The following CFAP58 variants were observed in gnomAD, a reference collection of about 807,000 sequenced individuals.
CFAP58 encodes cilia- and flagella-associated protein 58.
A neutral mutation model predicts 119.5 loss-of-function variants in CFAP58; 88 were observed. The observed-to-expected ratio is 0.74, with a 90% CI of 0.62 to 0.88. CFAP58 has a LOEUF of 0.88. Among genes scored for constraint, CFAP58 ranks in the 40% least tolerant of loss-of-function variants. CFAP58 has a pLI of 0.00. For missense variants in CFAP58, 990 were observed against 1,021.2 expected (o/e 0.97, Z 0.42); for synonymous variants, 365 against 366.3 (o/e 1.00, Z 0.04).
Position 104,362,007 on chromosome 10 carries a change from C to G in CFAP58, c.292-16C>G, listed in dbSNP as rs777741258. 1 of 1,611,786 alleles carries G rather than the reference C, an allele frequency of 6.2e-7. No individual in the cohort carries two copies. The highest frequency in any genetic ancestry group is 1.1e-5 in the South Asian group (1 of 90,762). On this transcript the variant is annotated splice_polypyrimidine_tract_variant and intron_variant, in intron 2 of 17. Coordinates refer to ENST00000369704, the MANE Select transcript of CFAP58 (RefSeq NM_001008723.2). The stretch of plus-strand genomic sequence containing the variant: ...CCAGTTTGGTCTTTCTCACTGATAT[C>G]CTATGGCCCATCTAGGAAATTGAAA...
At chr10:104,440,627 A>G (rs192780255) in intron 15 of CFAP58, among the ~76,000 whole-genome samples, 5 of 152,352 alleles carry the variant, frequency 3.3e-5, no homozygotes, top group African/African-American at 1.2e-4. Flanking sequence ...ATCAATAACT[A>G]TCAAATTCCC....
intron 15 of CFAP58, among the ~76,000 whole-genome samples, chr10:104,442,959 G>C (rs552807350): frequency 1.3e-5 from 2 of 152,298 alleles, no homozygotes; most frequent in East Asian, 3.9e-4. Context: ...ATCTGTACCT[G>C]TATTGATGTA....
intron 11 of CFAP58, among the ~76,000 whole-genome samples, chr10:104,395,797 A>C (rs191724846): frequency 1.3e-5 from 2 of 152,348 alleles, no homozygotes; most frequent in African/African-American, 4.8e-5. Context: ...CTACGCGGGT[A>C]CATAATCCCT....
At chr10:104,447,426 G>A (rs760506065) in intron 15 of CFAP58, among the ~76,000 whole-genome samples, 1 of 152,094 alleles carries the variant, frequency 6.6e-6, no homozygotes, top group Non-Finnish European at 1.5e-5. Flanking sequence ...TCCTGCCCTT[G>A]TCTCCCAGTC....
chr10:104,355,952 G>A (rs548968017), intron 1 of CFAP58, among the ~76,000 whole-genome samples: 25 of 152,284 alleles, frequency 1.6e-4, no homozygotes, highest in African/African-American at 6.0e-4. Context: ...AAGTGTTGAC[G>A]TTAATACCAT....
At chr10:104,421,066 T>G (rs2012650139) in intron 15 of CFAP58, among the ~76,000 whole-genome samples, 1 of 152,126 alleles carries the variant, frequency 6.6e-6, no homozygotes, top group Non-Finnish European at 1.5e-5. Context: ...TCCCTTCCAT[T>G]TTCATCTCAA....
chr10:104,453,965 T>C (rs2013236446), intron 17 of CFAP58, among the ~76,000 whole-genome samples: 1 of 152,188 alleles, frequency 6.6e-6, no homozygotes. Context: ...GTTTTATAAA[T>C]GTCCAAGTTT....
chr10:104,370,762 T>C, intron 6 of CFAP58, 133 bp from the exon 7 acceptor site: 1 of 727,008 alleles, frequency 1.4e-6, no homozygotes, highest in Non-Finnish European at 2.1e-6. Flanking sequence ...TGTGTGTGCT[T>C]GATTTAATCT....
intron 15 of CFAP58, among the ~76,000 whole-genome samples, chr10:104,423,533 C>T (rs774935694): frequency 7.1e-5 from 10 of 141,070 alleles, no homozygotes; most frequent in Non-Finnish European, 1.1e-4. Context: ...GAGAGTGGTG[C>T]TTAAACAGGA....
chr10:104,378,788 G>A (rs776586666), intron 8 of CFAP58, among the ~76,000 whole-genome samples: 2 of 152,086 alleles, frequency 1.3e-5, no homozygotes, highest in Admixed American at 6.6e-5. Flanking sequence ...TGCAGTTAAA[G>A]AGGTGAACAC....
intron 7 of CFAP58, among the ~76,000 whole-genome samples, chr10:104,371,602 A>G (rs1353997489): frequency 6.6e-6 from 1 of 152,196 alleles, no homozygotes; most frequent in African/African-American, 2.4e-5. Context: ...CAGTAAGGAC[A>G]CAAACCCTGG....
At chr10:104,376,220 A>G (rs571453733) in intron 7 of CFAP58, among the ~76,000 whole-genome samples, 2 of 152,286 alleles carry the variant, frequency 1.3e-5, no homozygotes, top group East Asian at 3.9e-4. Context: ...ACAGCGTTAA[A>G]TAAAACCCAT....
chr10:104,375,866 G>A (rs1289029403), intron 7 of CFAP58, among the ~76,000 whole-genome samples: 1 of 152,142 alleles, frequency 6.6e-6, no homozygotes, highest in Non-Finnish European at 1.5e-5. Context: ...GAAGACCTGG[G>A]ATCAATAGAA....
rs889650273 is a variant in CFAP58 at position 104,455,091 on chromosome 10, T to G, written c.*561T>G. The G allele has an allele frequency of 2.6e-5, 4 of 152,164 alleles. No homozygotes were observed. The highest frequency in any genetic ancestry group is 5.9e-5 in the Non-Finnish European group (4 of 68,042). The allele number at this position is 152,164 out of a possible 1,614,324, so 9.4% of individuals were successfully genotyped here. A position where few individuals can be genotyped will look rare whatever the true frequency, so the allele number is the denominator to read the frequency against. On this transcript the variant is annotated 3_prime_UTR_variant, in exon 18 of 18. Coordinates refer to ENST00000369704, the MANE Select transcript of CFAP58 (RefSeq NM_001008723.2). ...CTTCATTATAAAAAATAAAAAAGAA[T>G]CTTTGTAGAGATTTTGATACTTGTT...
At chr10:104,369,619 C>CT (rs1167650739) in intron 6 of CFAP58, among the ~76,000 whole-genome samples, 1 of 152,076 alleles carries the variant, frequency 6.6e-6, no homozygotes, top group Non-Finnish European at 1.5e-5. Context: ...GTATTAGCCC[C>CT]TAAGGTAAAA....
At chr10:104,399,841 T>G (rs2012231123) in intron 12 of CFAP58, among the ~76,000 whole-genome samples, 1 of 152,150 alleles carries the variant, frequency 6.6e-6, no homozygotes, top group Non-Finnish European at 1.5e-5. Context: ...GGTGTTCACA[T>G]GTATGTGTAA....
intron 2 of CFAP58, among the ~76,000 whole-genome samples, chr10:104,359,280 A>G (rs2014636201): frequency 6.6e-6 from 1 of 152,248 alleles, no homozygotes; most frequent in Admixed American, 6.5e-5. Flanking sequence ...GAAACAATTT[A>G]TAAAATTTTT....
intron 5 of CFAP58, among the ~76,000 whole-genome samples, chr10:104,367,579 A>C (rs1452836743): frequency 6.6e-6 from 1 of 152,208 alleles, no homozygotes; most frequent in Non-Finnish European, 1.5e-5. Context: ...GATAAAAACT[A>C]TTCTCCTATG....
intron 11 of CFAP58, among the ~76,000 whole-genome samples, chr10:104,398,604 C>T (rs145126757): frequency 6.6e-6 from 1 of 152,154 alleles, no homozygotes; most frequent in African/African-American, 2.4e-5. Flanking sequence ...AACTTAGGGG[C>T]CAGATTCAGG....
Sources: gnomAD v4.1 joint callset for allele counts (sites outside exome capture counted in the v4.1 genomes callset) on GRCh38, gnomAD v4.1.1 for gene constraint, MANE v1.5 for transcripts, NCBI Gene and HGNC (gene_info 2026-07-23, HGNC 2026-07-21) for gene names.